The following PHIP variants were observed in gnomAD, a reference collection of about 807,000 sequenced individuals.
PHIP encodes PHIP subunit of CUL4-Ring ligase complex.
PHIP carries 54 observed loss-of-function variants against 236.8 expected under a neutral mutation model. The ratio of observed to expected loss-of-function variants is 0.23; its 90% confidence interval spans 0.18 to 0.29. PHIP has a LOEUF of 0.29. Ranked by LOEUF, PHIP falls within the 10% of genes least tolerant of loss-of-function variation. The probability of loss-of-function intolerance (pLI) is 1.00; values close to 1 mark genes in which losing one functional copy is unlikely to be tolerated. For synonymous variants in PHIP, 756 were observed against 718.9 expected (o/e 1.05, Z -0.83); for missense variants, 1,370 against 2,190.8 (o/e 0.63, Z 7.48).
chr6:78,985,223 T>C lies in PHIP; in HGVS notation c.2537+129A>G, dbSNP rs1768788923. On this transcript the variant is annotated intron_variant, in intron 22 of 39. Coordinates refer to ENST00000275034, the MANE Select transcript of PHIP (RefSeq NM_017934.7). Reference sequence around the variant, plus strand: ...CATATATCAGAAAATCTACATTTCATACAACTTCAAAAACTCTCTGAAGAA... The same window carrying C: ...CATATATCAGAAAATCTACATTTCACACAACTTCAAAAACTCTCTGAAGAA... 1.2e-5 allele frequency: 8 copies of C among 643,974 alleles called. 1 individual carries two copies. The highest frequency in any genetic ancestry group is 5.4e-5 in the East Asian group (2 of 36,884). 39.9% of individuals were successfully genotyped at this position (643,974 alleles called of 1,614,324 possible).
intron 4 of PHIP, 80 bp downstream of exon 4, chr6:79,077,368 C>A: frequency 7.6e-7 from 1 of 1,310,166 alleles, no homozygotes; most frequent in South Asian, 1.2e-5. Flanking sequence ...AAGTTTTTGT[C>A]TCTGTAAAAA....
At chr6:78,982,444 C>T (rs1314502303) in intron 23 of PHIP, among the ~76,000 whole-genome samples, 4 of 151,990 alleles carry the variant, frequency 2.6e-5, no homozygotes, top group East Asian at 3.9e-4. Context: ...GCCTTGGGGT[C>T]AACTGTAACA....
intron 7 of PHIP, among the ~76,000 whole-genome samples, chr6:79,038,551 T>C (rs1043230538): frequency 6.6e-6 from 1 of 152,212 alleles, no homozygotes; most frequent in Non-Finnish European, 1.5e-5. Flanking sequence ...TTACTTTAGG[T>C]TTCTGCCTTT....
At chr6:78,970,240 T>C (rs1256925005) in intron 25 of PHIP, 67 bp from the exon 26 acceptor site, 16 of 1,402,614 alleles carry the variant, frequency 1.1e-5, no homozygotes, top group Non-Finnish European at 6.9e-6. Flanking sequence ...CTGCTAAACA[T>C]TGTTGAGAAA....
In PHIP at chr6:79,033,244, C is replaced by T. The variant is rs372740518; in HGVS notation, c.601-7080G>A. Among the ~76,000 whole-genome samples the T allele has an allele frequency of 5.9e-5, 9 of 152,314 alleles. No individual in the cohort carries two copies. The East Asian group carries it at 9.6e-4, about 16-fold the overall frequency. ...AATGGTAAATGGACACTGGTTTCAACTTCAAGTCACTAGCTGCATCAGCCC... is the reference window on the plus strand; with the variant it reads ...AATGGTAAATGGACACTGGTTTCAATTTCAAGTCACTAGCTGCATCAGCCC... On this transcript the variant is annotated intron_variant, in intron 7 of 39. Transcript: ENST00000275034.
intron 35 of PHIP, among the ~76,000 whole-genome samples, chr6:78,952,778 A>G (rs531874150): frequency 1.8e-4 from 28 of 151,888 alleles, no homozygotes; most frequent in African/African-American, 6.8e-4. Context: ...CTCAAATAAC[A>G]TATTTTTTCC....
chr6:79,018,967 G>T (rs927258713), intron 10 of PHIP, 122 bp downstream of exon 10: 5 of 625,100 alleles, frequency 8.0e-6, no homozygotes, highest in Admixed American at 4.9e-5. Context: ...ATTAGCTCTG[G>T]CATATGTATA....
chr6:79,049,604 T>C (rs769903113), intron 6 of PHIP, among the ~76,000 whole-genome samples: 2 of 152,188 alleles, frequency 1.3e-5, no homozygotes, highest in Non-Finnish European at 2.9e-5. Context: ...TAACTATCAC[T>C]GTAAAACAAC....
chr6:78,993,341 T>C (rs1404498994), intron 19 of PHIP, among the ~76,000 whole-genome samples: 1 of 152,208 alleles, frequency 6.6e-6, no homozygotes, highest in Admixed American at 6.5e-5. Flanking sequence ...CTGAAGACAG[T>C]AGCTACATTA....
chr6:79,053,910 T>C (rs886751818), intron 6 of PHIP, among the ~76,000 whole-genome samples: 31 of 152,188 alleles, frequency 2.0e-4, no homozygotes, highest in African/African-American at 7.0e-4. Flanking sequence ...ACAAATGTTA[T>C]CCTATTAGTT....
intron 4 of PHIP, among the ~76,000 whole-genome samples, chr6:79,064,845 T>G (rs371071058): frequency 1.8e-4 from 28 of 152,350 alleles, no homozygotes; most frequent in African/African-American, 6.0e-4. Context: ...ATTTATAGCA[T>G]AGACTTGCAT....
intron 24 of PHIP, among the ~76,000 whole-genome samples, chr6:78,972,286 AG>A (rs1338310724): frequency 1.3e-5 from 2 of 152,166 alleles, no homozygotes; most frequent in South Asian, 2.1e-4. Flanking sequence ...CTCACACTGC[AG>A]GGTACTCCAA....
chr6:78,991,230 G>C (rs970972610), intron 19 of PHIP, among the ~76,000 whole-genome samples: 3 of 151,994 alleles, frequency 2.0e-5, no homozygotes, highest in Admixed American at 2.0e-4. Flanking sequence ...TCCTGCTATG[G>C]TCTCTGGCAA....
At chr6:78,971,939 C>T (rs546323862) in intron 24 of PHIP, among the ~76,000 whole-genome samples, 22 of 152,250 alleles carry the variant, frequency 1.4e-4, no homozygotes, top group African/African-American at 4.1e-4. Flanking sequence ...AAGGCGGCAG[C>T]GAGGCTGGGG....
intron 6 of PHIP, among the ~76,000 whole-genome samples, chr6:79,055,608 G>C (rs541140697): frequency 1.4e-4 from 21 of 152,262 alleles, no homozygotes; most frequent in African/African-American, 5.1e-4. Context: ...TTTGAAAACA[G>C]TATTAAAGGA....
At chr6:79,062,316 T>C (rs552988499) in intron 4 of PHIP, among the ~76,000 whole-genome samples, 13 of 152,166 alleles carry the variant, frequency 8.5e-5, no homozygotes, top group Admixed American at 4.6e-4. Context: ...GAAACACTAG[T>C]ATGATTAGCT....
intron 21 of PHIP, among the ~76,000 whole-genome samples, chr6:78,987,314 A>T (rs2127721112): frequency 6.6e-6 from 1 of 152,244 alleles, no homozygotes; most frequent in South Asian, 2.1e-4. Flanking sequence ...TTGTATGTCT[A>T]TCCAAATTAC....
intron 20 of PHIP, among the ~76,000 whole-genome samples, chr6:78,989,571 A>G (rs1000011484): frequency 7.9e-5 from 12 of 152,220 alleles, no homozygotes; most frequent in African/African-American, 2.7e-4. Context: ...CTGACCACAT[A>G]AATAATAACT....
Position 78,935,234 on chromosome 6 carries a change from AATTT to A in PHIP, c.*5455_*5458del, listed in dbSNP as rs1773227288. Among the ~76,000 whole-genome samples, 1 of 152,192 alleles carries A rather than the reference AATTT, an allele frequency of 6.6e-6. No individual in the cohort carries two copies. Among genetic ancestry groups the A allele is most frequent in the South Asian group, 2.1e-4 (1 of 4,834 alleles). On this transcript the variant is annotated 3_prime_UTR_variant, in exon 40 of 40. Coordinates refer to ENST00000275034, the MANE Select transcript of PHIP (RefSeq NM_017934.7). ...TTTTACCTTCCTTCCTCAACTTAGA[AATTT>A]ATTATATACAAAATCATTTTAACAA...
Sources: gnomAD v4.1 joint callset for allele counts (sites outside exome capture counted in the v4.1 genomes callset) on GRCh38, gnomAD v4.1.1 for gene constraint, MANE v1.5 for transcripts, NCBI Gene and HGNC (gene_info 2026-07-23, HGNC 2026-07-21) for gene names.